ZFP64: variants seen among roughly 807,000 people sequenced by gnomAD.
ZFP64 encodes the protein zinc finger protein 64.
A neutral mutation model predicts 51.6 loss-of-function variants in ZFP64; 14 were observed. The observed-to-expected ratio is 0.27, with a 90% CI of 0.18 to 0.42. The LOEUF (loss-of-function observed/expected upper bound fraction) is 0.42, where lower values mean the gene tolerates loss of function less well. Among genes scored for constraint, ZFP64 ranks in the 10% least tolerant of loss-of-function variants. ZFP64 has a pLI of 1.00. For missense variants in ZFP64, 754 were observed against 906.8 expected (o/e 0.83, Z 2.16); for synonymous variants, 375 against 361.4 (o/e 1.04, Z -0.43).
At chr20:52,133,972 T>A (rs1979846598) in intron 5 of ZFP64, among the ~76,000 whole-genome samples, 1 of 144,066 alleles carries the variant, frequency 6.9e-6, no homozygotes, top group South Asian at 2.2e-4. Context: ...GAGGTTGCAG[T>A]GAGCCATGAT....
chr20:52,173,966 T>C (rs1982966247), intron 2 of ZFP64, among the ~76,000 whole-genome samples: 1 of 152,176 alleles, frequency 6.6e-6, no homozygotes, highest in Non-Finnish European at 1.5e-5. Context: ...CCTTACTTTT[T>C]ATACAAAGCT....
downstream of ZFP64, among the ~76,000 whole-genome samples, chr20:52,150,158 T>C (rs928480927): frequency 7.3e-5 from 11 of 150,224 alleles, no homozygotes; most frequent in Non-Finnish European, 1.2e-4. Context: ...TGAGCTGAGA[T>C]TGCGCCACTG....
intron 5 of ZFP64, among the ~76,000 whole-genome samples, chr20:52,129,293 T>C (rs1211947865): frequency 1.3e-5 from 2 of 150,840 alleles, no homozygotes; most frequent in African/African-American, 4.9e-5. Context: ...TTAGTAGAGA[T>C]GGGGTTTCAC....
chr20:52,117,563 G>C (rs1268733880), intron 5 of ZFP64: 1 of 437,950 alleles, frequency 2.3e-6, no homozygotes, highest in Non-Finnish European at 4.6e-6. Context: ...AGGTTGTGGT[G>C]AGCTGAGATC....
At chr20:52,180,990 G>A (rs1983574616) in intron 2 of ZFP64, among the ~76,000 whole-genome samples, 1 of 151,984 alleles carries the variant, frequency 6.6e-6, no homozygotes, top group African/African-American at 2.4e-5. Flanking sequence ...GCAATGGCAC[G>A]ATCTCCACTC....
rs530022259 is a variant in ZFP64, at chr20:52,105,344, G to A, written c.764-6757C>T. 7.3e-5 allele frequency: 91 copies of A among 1,246,834 alleles called. No homozygotes were observed. In the African/African-American group the frequency reaches 1.0e-3, roughly 14 times the overall value. The allele number at this position is 1,246,834 out of a possible 1,614,324, so 77.2% of individuals were successfully genotyped here. A position where few individuals can be genotyped will look rare whatever the true frequency, so the allele number is the denominator to read the frequency against. On this transcript the variant is annotated intron_variant, in intron 5 of 8. Coordinates refer to the ZFP64 transcript ENST00000361387. Reference sequence around the variant, plus strand: ...CCTTCGGCCGGAACGCGCATGTCCCGGCAATTCTGCTCATCAGCCGAGCAG... The same window carrying A: ...CCTTCGGCCGGAACGCGCATGTCCCAGCAATTCTGCTCATCAGCCGAGCAG...
At chr20:52,112,614 CT>C (rs138459074) in intron 5 of ZFP64, among the ~76,000 whole-genome samples, 27 of 134,368 alleles carry the variant, frequency 2.0e-4, no homozygotes, top group Admixed American at 2.3e-4. Flanking sequence ...GTTCTCCTTC[CT>C]TTTTTTTTTT....
In ZFP64 at chr20:52,085,311, A is replaced by T. The variant is rs1349098759; in HGVS notation, c.1229-45T>A. ...TTCCATTAGAACAGGCAGGCAAAAC[A>T]GACCCTCCCACCCCAACCTGCCTTA... On this transcript the variant is annotated intron_variant, in intron 8 of 8. Coordinates refer to the ZFP64 transcript ENST00000361387. This position sits in a 1 kb window ranked among gnomAD's most constrained non-coding sequence, Gnocchi z 4.3. 1.3e-6 allele frequency: 2 copies of T among 1,539,136 alleles called. No individual in the cohort carries two copies. Among genetic ancestry groups the T allele is most frequent in the East Asian group, 2.3e-5 (1 of 43,282 alleles).
Position 52,104,791 on chromosome 20 carries a change from G to A in ZFP64, c.764-6204C>T, listed in dbSNP as rs769382492. 24 of 583,380 alleles carry A rather than the reference G, an allele frequency of 4.1e-5. 1 individual carries two copies. The Middle Eastern group carries it at 1.1e-3, about 27-fold the overall frequency. The allele number at this position is 583,380 out of a possible 1,614,324, so 36.1% of individuals were successfully genotyped here. ...TCCAGGCGCGCAGCCGAAGCCCAGT[G>A]CCAAGGAGGCCGGAGACTCGGGTGC... On this transcript the variant is annotated intron_variant, in intron 5 of 8. Transcript: ENST00000361387.
intron 7 of ZFP64, among the ~76,000 whole-genome samples, chr20:52,089,519 T>C (rs1193409868): frequency 6.6e-6 from 1 of 151,988 alleles, no homozygotes; most frequent in Non-Finnish European, 1.5e-5. Context: ...GGTGGGTGGA[T>C]CGCTTGACCC....
chr20:52,164,144 T>C (rs1982049422), intron 4 of ZFP64, among the ~76,000 whole-genome samples: 1 of 152,066 alleles, frequency 6.6e-6, no homozygotes, highest in African/African-American at 2.4e-5. Context: ...GACCCCACTC[T>C]CTACAAAAAA....
intron 5 of ZFP64, among the ~76,000 whole-genome samples, chr20:52,127,680 A>G (rs1194253528): frequency 6.6e-6 from 1 of 152,342 alleles, no homozygotes; most frequent in East Asian, 1.9e-4. Context: ...AGCAGTATGA[A>G]AATGGATTAA....
At chr20:52,173,645 C>T (rs893736468) in intron 2 of ZFP64, among the ~76,000 whole-genome samples, 4 of 144,038 alleles carry the variant, frequency 2.8e-5, no homozygotes, top group Admixed American at 1.4e-4. Context: ...TACATCCTTG[C>T]TTTTTTTTTT....
At chr20:52,112,692 G>A (rs8120408) in intron 5 of ZFP64, among the ~76,000 whole-genome samples, 9,175 of 151,014 alleles carry the variant, frequency 0.061, 935 homozygotes, top group African/African-American at 0.21. Context: ...TTGGCTCACC[G>A]CAGTCTCAAC....
intron 5 of ZFP64, among the ~76,000 whole-genome samples, chr20:52,112,101 C>A (rs141891588): frequency 0.019 from 1,432 of 75,872 alleles, 9 homozygotes; most frequent in African/African-American, 0.032. Context: ...AAAAAAAAAA[C>A]AAAAAAAAAA....
At position 52,102,086 on chromosome 20, in the gene ZFP64, T is replaced by C. The variant is rs903924173; in HGVS notation, c.764-3499A>G. On this transcript the variant is annotated intron_variant, in intron 5 of 8. Transcript: ENST00000361387. ...CAGATCGTGCCACTGCACTCCAGCCTGGTGAGAGTAACTCCATCTCCAAAA... is the reference window on the plus strand; with the variant it reads ...CAGATCGTGCCACTGCACTCCAGCCCGGTGAGAGTAACTCCATCTCCAAAA... Among the ~76,000 whole-genome samples the C allele has an allele frequency of 1.4e-3, 149 of 104,082 alleles. 2 individuals are homozygous for C. The highest frequency in any genetic ancestry group is 5.4e-3 in the African/African-American group (141 of 26,216). 68.3% of individuals were successfully genotyped at this position (104,082 alleles called of 152,430 possible). A position where few individuals can be genotyped will look rare whatever the true frequency, so the allele number is the denominator to read the frequency against.
At chr20:52,123,009 A>G (rs1979269400) in intron 5 of ZFP64, among the ~76,000 whole-genome samples, 1 of 151,598 alleles carries the variant, frequency 6.6e-6, no homozygotes, top group Non-Finnish European at 1.5e-5. Context: ...TTTTTTTCAG[A>G]CAGAGTCTCA....
rs549839017 is a variant in ZFP64, at chr20:52,104,972, C to CG, written c.764-6386dup. The CG allele has an allele frequency of 5.1e-4, 420 of 822,014 alleles. 1 individual carries two copies. In the African/African-American group the frequency reaches 6.3e-3, roughly 12 times the overall value. 50.9% of individuals were successfully genotyped at this position (822,014 alleles called of 1,614,324 possible). On this transcript the variant is annotated intron_variant, in intron 5 of 8. Transcript: ENST00000361387. Reference sequence around the variant, plus strand: ...TCCAGGAGAGTGTAATTTACAAAGGCGGGGGGCGGGGACGCCCAGGTCCGA... The same window carrying CG: ...TCCAGGAGAGTGTAATTTACAAAGGCGGGGGGGCGGGGACGCCCAGGTCCGA...
chr20:52,182,789 G>T (rs1055631652), intron 2 of ZFP64, among the ~76,000 whole-genome samples: 1 of 152,100 alleles, frequency 6.6e-6, no homozygotes, highest in Admixed American at 6.6e-5. Flanking sequence ...TGGTTGTGAG[G>T]TCAGCTTTAC....
Sources: gnomAD v4.1 joint callset for allele counts (sites outside exome capture counted in the v4.1 genomes callset) on GRCh38, gnomAD v4.1.1 for gene constraint, Gnocchi (gnomAD v3.1) non-coding constraint, MANE v1.5 for transcripts, NCBI Gene and HGNC (gene_info 2026-07-23, HGNC 2026-07-21) for gene names.